Variants in RIF1 observed in about 807,000 individuals in gnomAD.
The protein encoded by RIF1 is telomere-associated protein RIF1.
A neutral mutation model predicts 247.1 loss-of-function variants in RIF1; 45 were observed. The ratio of observed to expected loss-of-function variants is 0.18; its 90% confidence interval spans 0.14 to 0.23. The LOEUF is 0.23. Among genes scored for constraint, RIF1 ranks in the 10% least tolerant of loss-of-function variants. RIF1 has a pLI of 1.00. For missense variants in RIF1, 2,967 were observed against 2,862.5 expected (o/e 1.04, Z -0.83); for synonymous variants, 1,087 against 978.8 (o/e 1.11, Z -2.06).
At chr2:151,421,649 A>G (rs116252313) in intron 7 of RIF1, among the ~76,000 whole-genome samples, 3,995 of 151,950 alleles carry the variant, frequency 0.026, 64 homozygotes, top group African/African-American at 0.045. Flanking sequence ...GGCTCAAGCA[A>G]TCCTCCCACT....
At chr2:151,523,675 G>A in the RIF1 span, among the ~76,000 whole-genome samples, 1 of 152,144 alleles carries the variant, frequency 6.6e-6, no homozygotes, top group East Asian at 1.9e-4. Context: ...AAGTCATGTG[G>A]TAACTGGGTT....
chr2:151,485,830 C>G (rs1206080778), downstream of RIF1: 2 of 1,613,976 alleles, frequency 1.2e-6, no homozygotes, highest in Non-Finnish European at 1.7e-6. Context: ...GCCATACATC[C>G]AGCCTTCATC....
At chr2:151,492,929 C>T (rs2057706904) in intron 9 of RIF1, 1 of 183,674 alleles carries the variant, frequency 5.4e-6, no homozygotes, top group Middle Eastern at 2.6e-3. Context: ...CAAAGTCCTC[C>T]AGACACTAAA....
In RIF1 at chr2:151,464,947, T is replaced by A. The variant is rs1173304348; in HGVS notation, c.5427T>A (p.Asp1809Glu). Residue 1809 changes from aspartate (D) to glutamate (E), a missense_variant, in exon 30 of 36, where the codon GAT becomes GAA. Asp to Glu is a conservative substitution (Grantham distance 45, BLOSUM62 2). Transcript: ENST00000444746. ...GLKEDNDTIN[D>E]SLIVSETKSK... ...AAGAGGATAATGATACTATTAATGATTCATTAATTGTTTCTGAAACCAAAT... is the reference window on the plus strand; with the variant it reads ...AAGAGGATAATGATACTATTAATGAATCATTAATTGTTTCTGAAACCAAAT... The A allele has an allele frequency of 6.4e-7, 1 of 1,566,252 alleles. No individual in the cohort carries two copies. The highest frequency in any genetic ancestry group is 8.6e-7 in the Non-Finnish European group (1 of 1,161,236).
Position 151,468,502 on chromosome 2 carries a change from T to C in RIF1, c.6776T>C (p.Leu2259Pro). 1 of 1,613,726 alleles carries C rather than the reference T, an allele frequency of 6.2e-7. No homozygotes were observed. Among genetic ancestry groups the C allele is most frequent in the Non-Finnish European group, 8.5e-7 (1 of 1,179,624 alleles). ...AATACCACTTCAGCCAAAGGATTTC[T>C]GTCCCCAGGATCACGTAGCCCTAAA... is the stretch of plus-strand genomic sequence containing the variant. ...KHNTTSAKGF[L>P]SPGSRSPKFK... is the part of the protein sequence containing the mutation. Residue 2259 changes from leucine to proline, a missense_variant, in exon 32 of 36, where the codon CTG becomes CCG. By Grantham distance (98) the Leu-to-Pro change is moderately conservative (BLOSUM62 -3). Around this residue, in one of 7 missense-constraint regions of RIF1, gnomAD observed 2,028 missense variants for 1,825.6 expected, o/e 1.11. Coordinates refer to ENST00000444746, the MANE Select transcript of RIF1 (RefSeq NM_018151.5).
At position 151,465,868 on chromosome 2, in the gene RIF1, T is replaced by C. The variant is rs1317566423; in HGVS notation, c.6348T>C (p.Thr2116=). 4.3e-6 allele frequency: 7 copies of C among 1,613,472 alleles called. No individual in the cohort carries two copies. The highest frequency in any genetic ancestry group is 1.3e-5 in the African/African-American group (1 of 74,918). Residue 2116 remains threonine, a synonymous_variant, in exon 30 of 36, where the codon ACT becomes ACC. Transcript: ENST00000444746. ...ESDILQEDHH[T]SQKVEEPSQC... is the part of the protein sequence containing the mutation. Reference sequence around the variant, plus strand: ...ATATTTTACAGGAAGATCACCATACTTCACAGAAAGTGGAGGAACCATCAC... The same window carrying C: ...ATATTTTACAGGAAGATCACCATACCTCACAGAAAGTGGAGGAACCATCAC...
chr2:151,435,539 C>T lies in RIF1; in HGVS notation c.1154C>T (p.Ala385Val). ...CCTCAGGGCAATTCGTGTCATGTAG[C>T]TACATCTCCAGGTTTAAATCCTATG... ...ASPQGNSCHV[A>V]TSPGLNPMTP... The change falls in exon 11 of 36, where the codon GCT becomes GTT. Residue 385 changes from alanine to valine, a missense_variant. Transcript: ENST00000444746. 1 of 1,609,916 alleles carries T rather than the reference C, an allele frequency of 6.2e-7. No homozygotes were observed. The highest frequency in any genetic ancestry group is 8.5e-7 in the Non-Finnish European group (1 of 1,176,376).
chr2:151,443,580 T>C lies in RIF1; in HGVS notation c.1857T>C (p.Thr619=). The stretch of plus-strand genomic sequence containing the variant: ...TAGGCTGTGTTCTTTCTGGTCCAAC[T>C]TCACCACTAGCTTTCAGTGACTCAG... The part of the protein sequence containing the change: ...SLVGCVLSGP[T]SPLAFSDSVL... Residue 619 remains threonine (T), a synonymous_variant, in exon 18 of 36, where the codon ACT becomes ACC. Coordinates refer to ENST00000444746, the MANE Select transcript of RIF1 (RefSeq NM_018151.5). 6.2e-7 allele frequency: 1 copy of C among 1,611,374 alleles called. No individual in the cohort carries two copies. The highest frequency in any genetic ancestry group is 8.5e-7 in the Non-Finnish European group (1 of 1,179,252).
At chr2:151,414,954 GT>G (rs750482514) in intron 4 of RIF1, 35 bp downstream of exon 4, 18 of 1,302,178 alleles carry the variant, frequency 1.4e-5, no homozygotes, top group Non-Finnish European at 1.2e-5. Context: ...TATTTTTAGA[GT>G]ATAAAGTATA....
the RIF1 span, chr2:151,526,166 C>T: frequency 2.5e-6 from 4 of 1,613,934 alleles, no homozygotes; most frequent in Non-Finnish European, 3.4e-6. Context: ...ACCTCAGACA[C>T]CAGGTTGCTG....
intron 30 of RIF1, among the ~76,000 whole-genome samples, chr2:151,467,664 C>T (rs1005270759): frequency 6.6e-6 from 1 of 152,136 alleles, no homozygotes; most frequent in Admixed American, 6.5e-5. Context: ...TTACATCAGT[C>T]TTCTTTCTAG....
In RIF1 at chr2:151,481,125, C is replaced by T. The variant is rs538307740; in HGVS notation, c.*6054C>T. ...ATAGCAGAGTCTGTATGGCTTCCAA[C>T]AGTCAAAATACTGCCTGGCCTTTTA... is the stretch of plus-strand genomic sequence containing the variant. On this transcript the variant is annotated 3_prime_UTR_variant, in exon 36 of 36. Coordinates refer to ENST00000444746, the MANE Select transcript of RIF1 (RefSeq NM_018151.5). 6.6e-6 allele frequency: 1 copy of T among 152,336 alleles called. No homozygotes were observed. The highest frequency in any genetic ancestry group is 2.1e-4 in the South Asian group (1 of 4,830). The allele number at this position is 152,336 out of a possible 1,614,324, so 9.4% of individuals were successfully genotyped here.
At position 151,465,193 on chromosome 2, in the gene RIF1, A is replaced by G; in HGVS notation, c.5673A>G (p.Glu1891=). Residue 1891 remains glutamate, a synonymous_variant, in exon 30 of 36, where the codon GAA becomes GAG. Transcript: ENST00000444746. ...EEKPEETPKM[E]LSLENVTVEG... ...AACCAGAAGAAACCCCAAAAATGGAACTGAGTCTAGAGAATGTTACTGTTG... is the reference window on the plus strand; with the variant it reads ...AACCAGAAGAAACCCCAAAAATGGAGCTGAGTCTAGAGAATGTTACTGTTG... 1 of 1,613,030 alleles carries G rather than the reference A, an allele frequency of 6.2e-7. No homozygotes were observed. Among genetic ancestry groups the G allele is most frequent in the Non-Finnish European group, 8.5e-7 (1 of 1,179,786 alleles).
chr2:151,468,154 A>T lies in RIF1; in HGVS notation c.6747+8A>T, dbSNP rs754077615. Reference sequence around the variant, plus strand: ...CCTACTACACAATCTAAGGTAAGCTATAGGCTTTAAAATATACATATATGT... The same window carrying T: ...CCTACTACACAATCTAAGGTAAGCTTTAGGCTTTAAAATATACATATATGT... On this transcript the variant is annotated splice_region_variant and intron_variant, in intron 31 of 35. Transcript: ENST00000444746. 9.4e-6 allele frequency: 15 copies of T among 1,601,486 alleles called. No individual in the cohort carries two copies. The East Asian group carries it at 3.3e-4, about 36-fold the overall frequency.
At chr2:151,514,505 AAC>A in the RIF1 span, 1 of 1,175,774 alleles carries the variant, frequency 8.5e-7, no homozygotes, top group Non-Finnish European at 1.3e-6. Flanking sequence ...GAAAATAAAA[AAC>A]AATTCCAATT....
At position 151,468,516 on chromosome 2, in the gene RIF1, C is replaced by T. The variant is rs780970704; in HGVS notation, c.6790C>T (p.Arg2264Cys). ...SAKGFLSPGS[R>C]SPKFKSSKKC... ...CAAAGGATTTCTGTCCCCAGGATCA[C>T]GTAGCCCTAAATTTAAGAGCTCAAA... The change falls in exon 32 of 36, where the codon CGT (arginine) becomes TGT (cysteine). Residue 2264 changes from arginine (R) to cysteine (C), a missense_variant. Around this residue, in one of 7 missense-constraint regions of RIF1, gnomAD observed 2,028 missense variants for 1,825.6 expected, o/e 1.11. Coordinates refer to ENST00000444746, the MANE Select transcript of RIF1 (RefSeq NM_018151.5). 15 of 1,613,438 alleles carry T rather than the reference C, an allele frequency of 9.3e-6. No individual in the cohort carries two copies. The African/African-American group carries it at 9.3e-5, about 10-fold the overall frequency.
intron 11 of RIF1, among the ~76,000 whole-genome samples, chr2:151,436,115 C>T (rs554905062): frequency 1.3e-5 from 2 of 151,998 alleles, no homozygotes; most frequent in Non-Finnish European, 2.9e-5. Flanking sequence ...TAACCAGCTA[C>T]CTGGGAGGCT....
At chr2:151,433,770 A>G (rs1690623421) in intron 10 of RIF1, among the ~76,000 whole-genome samples, 1 of 152,214 alleles carries the variant, frequency 6.6e-6, no homozygotes, top group South Asian at 2.1e-4. Flanking sequence ...ATGTTTTTAA[A>G]TTAGCAAGTA....
chr2:151,510,485 A>G (rs540173575), downstream of RIF1, among the ~76,000 whole-genome samples: 42 of 152,382 alleles, frequency 2.8e-4, no homozygotes, highest in African/African-American at 1.0e-3. Context: ...TATTCAGTAC[A>G]GTAGTCCCCA....
Sources: allele counts gnomAD v4.1 joint callset (sites outside exome capture counted in the v4.1 genomes callset), GRCh38; gene constraint gnomAD v4.1.1; regional missense constraint gnomAD v4.1.1; transcripts MANE v1.5; gene names NCBI Gene and HGNC (gene_info 2026-07-23, HGNC 2026-07-21).